ALPK2: variants seen among roughly 807,000 people sequenced by gnomAD.
ALPK2 encodes the protein alpha kinase 2, also known as alpha-protein kinase 2.
A neutral mutation model predicts 163.1 loss-of-function variants in ALPK2; 127 were observed. The ratio of observed to expected loss-of-function variants is 0.78; its 90% CI spans 0.67 to 0.90. The LOEUF (loss-of-function observed/expected upper bound fraction) is 0.90. Ranked by LOEUF, ALPK2 falls within the 40% of genes least tolerant of loss-of-function variation. ALPK2 has a pLI of 0.00. For missense variants in ALPK2, 2,360 were observed against 2,589.6 expected, an observed-to-expected ratio of 0.91 and a Z score of 1.92; for synonymous variants, 953 against 959.1, an observed-to-expected ratio of 0.99 and a Z score of 0.12.
In ALPK2 at chr18:58,536,232, G is replaced by A; in HGVS notation, c.3955C>T (p.Pro1319Ser). 1.2e-6 allele frequency: 2 copies of A among 1,614,188 alleles called. No individual in the cohort carries two copies. The highest frequency in any genetic ancestry group is 1.1e-5 in the South Asian group (1 of 91,074). Residue 1319 changes from proline (P) to serine (S), a missense_variant, in exon 5 of 13, where the codon CCC becomes TCC. Pro to Ser is a moderately conservative substitution (Grantham distance 74). Coordinates refer to ENST00000361673, the MANE Select transcript of ALPK2 (RefSeq NM_052947.4). ...CTTCTCCAATGTACACTGATGGTGG[G>A]CTCTTCGCCTTTATGGCTTTCTCTG... The part of the protein sequence containing the change: ...DSRESHKGEE[P>S]TISVHWRSLS...
chr18:58,515,621 C>T (rs2051517215), intron 9 of ALPK2, among the ~76,000 whole-genome samples: 1 of 151,998 alleles, frequency 6.6e-6, no homozygotes, highest in Non-Finnish European at 1.5e-5. Context: ...GGAGGGAATA[C>T]TGAGAGAGAA....
chr18:58,482,626 T>TC (rs1188971598), intron 12 of ALPK2, among the ~76,000 whole-genome samples: 1 of 152,134 alleles, frequency 6.6e-6, no homozygotes, highest in Non-Finnish European at 1.5e-5. Context: ...GCCCGCTTTG[T>TC]CCCCAGGAGA....
chr18:58,483,527 C>CTATTT (rs2051322181), intron 12 of ALPK2, among the ~76,000 whole-genome samples: 2 of 107,670 alleles, frequency 1.9e-5, no homozygotes, highest in Non-Finnish European at 3.7e-5. Flanking sequence ...AAGTCCTACT[C>CTATTT]ACTTTATTTA....
rs760148581 is a variant in ALPK2, at chr18:58,500,914, A to G, written c.6248-2817T>C. ...TCACAGGCTCATCTTTTACCCCACA[A>G]ACCTGCAGGACCTGGCATAATCTTC... is the stretch of plus-strand genomic sequence containing the variant. On this transcript the variant is annotated intron_variant, in intron 11 of 12. Coordinates refer to ENST00000361673, the MANE Select transcript of ALPK2 (RefSeq NM_052947.4). Among the ~76,000 whole-genome samples, 6 of 152,164 alleles carry G rather than the reference A, an allele frequency of 3.9e-5. No homozygotes were observed. The South Asian group carries it at 8.3e-4, about 21-fold the overall frequency.
chr18:58,488,346 C>T (rs1456561499), intron 12 of ALPK2, among the ~76,000 whole-genome samples: 2 of 150,138 alleles, frequency 1.3e-5, no homozygotes, highest in African/African-American at 2.5e-5. Context: ...TGCTTAAGAA[C>T]GATTCCTCTC....
chr18:58,537,932 G>T lies in ALPK2; in HGVS notation c.2255C>A (p.Ser752Tyr). The T allele has an allele frequency of 6.2e-7, 1 of 1,614,170 alleles. No individual in the cohort carries two copies. The highest frequency in any genetic ancestry group is 8.5e-7 in the Non-Finnish European group (1 of 1,180,030). The change falls in exon 5 of 13, where the codon TCC becomes TAC. Residue 752 changes from serine (S) to tyrosine (Y), a missense_variant. By Grantham distance (144) the Ser-to-Tyr change is moderately radical (BLOSUM62 -2). Transcript: ENST00000361673. ...GAGATGCCTTGAGAACACACCTGGGGACATAGTCTCATCATTGGCTTCTGA... is the reference window on the plus strand; with the variant it reads ...GAGATGCCTTGAGAACACACCTGGGTACATAGTCTCATCATTGGCTTCTGA... ...SISEANDETM[S>Y]PGVFSRHLPK... is the part of the protein sequence containing the mutation.
rs761456901 is a variant in ALPK2, at chr18:58,538,153, C to T, written c.2034G>A (p.Gly678=). 9 of 1,613,908 alleles carry T rather than the reference C, an allele frequency of 5.6e-6. No individual in the cohort carries two copies. The highest frequency in any genetic ancestry group is 7.6e-6 in the Non-Finnish European group (9 of 1,180,004). Residue 678 remains glycine (G), a synonymous_variant, in exon 5 of 13, where the codon GGG becomes GGA. Coordinates refer to ENST00000361673, the MANE Select transcript of ALPK2 (RefSeq NM_052947.4). ...TGGTCCCAGTGAATGGGGACTCCTCCCCAGCAGGCTCTGAGAAAGCTGGCA... is the reference window on the plus strand; with the variant it reads ...TGGTCCCAGTGAATGGGGACTCCTCTCCAGCAGGCTCTGAGAAAGCTGGCA... ...SQMPAFSEPA[G]EESPFTGTTT...
intron 5 of ALPK2, among the ~76,000 whole-genome samples, chr18:58,530,475 T>C (rs2144139781): frequency 6.6e-6 from 1 of 152,342 alleles, no homozygotes; most frequent in East Asian, 1.9e-4. Flanking sequence ...GTCAAACTCT[T>C]GGTCCAGGTC....
intron 8 of ALPK2, 66 bp downstream of exon 8, chr18:58,523,734 TTTCCTC>T (rs1379829752): frequency 1.6e-5 from 25 of 1,586,158 alleles, no homozygotes; most frequent in Non-Finnish European, 2.1e-5. Flanking sequence ...GCTTCTACTC[TTTCCTC>T]TGGGAGCTAT....
At chr18:58,574,438 C>CAAAA (rs34107333) in intron 4 of ALPK2, among the ~76,000 whole-genome samples, 6 of 49,410 alleles carry the variant, frequency 1.2e-4, no homozygotes, top group Admixed American at 2.4e-4. Flanking sequence ...GACTCCATCT[C>CAAAA]AAAAAAAAAA....
chr18:58,627,670 G>A (rs2052239258), intron 1 of ALPK2, among the ~76,000 whole-genome samples: 1 of 152,098 alleles, frequency 6.6e-6, no homozygotes, highest in South Asian at 2.1e-4. Flanking sequence ...AAAGGACAAT[G>A]TATATTTGGG....
intron 8 of ALPK2, 87 bp from the exon 9 acceptor site, chr18:58,517,269 G>T: frequency 7.0e-7 from 1 of 1,425,302 alleles, no homozygotes; most frequent in Non-Finnish European, 9.5e-7. Context: ...CCCCACATAA[G>T]GACAATGACA....
rs1602213575 is a variant in ALPK2 at position 58,550,851 on chromosome 18, AACATACAACCCCATCCCCACCTCCATC to A, written c.1963-12654_1963-12628del. Among the ~76,000 whole-genome samples, 86 of 41,474 alleles carry A rather than the reference AACATACAACCCCATCCCCACCTCCATC, an allele frequency of 2.1e-3. No homozygotes were observed. The East Asian group carries it at 0.045, about 22-fold the overall frequency. The allele number at this position is 41,474 out of a possible 152,430, so 27.2% of individuals were successfully genotyped here. The stretch of plus-strand genomic sequence containing the variant: ...TATACAACTCCATCCTCATCTCCAA[AACATACAACCCCATCCCCACCTCCATC>A]ACATACAACCCCATCCCCACCTCCA... On this transcript the variant is annotated intron_variant, in intron 4 of 12. Transcript: ENST00000361673.
chr18:58,492,930 G>A (rs2051382551), intron 12 of ALPK2, among the ~76,000 whole-genome samples: 2 of 152,162 alleles, frequency 1.3e-5, no homozygotes, highest in African/African-American at 4.8e-5. Context: ...GCTATAGTAG[G>A]GTCTGCCTTG....
At chr18:58,608,454 T>C (rs1194933762) in intron 2 of ALPK2, among the ~76,000 whole-genome samples, 1 of 152,226 alleles carries the variant, frequency 6.6e-6, no homozygotes, top group African/African-American at 2.4e-5. Flanking sequence ...GCAGGAAGGT[T>C]TCCATTGTGT....
intron 2 of ALPK2, among the ~76,000 whole-genome samples, chr18:58,609,345 C>A (rs996241049): frequency 5.9e-5 from 9 of 152,200 alleles, no homozygotes; most frequent in African/African-American, 2.2e-4. Context: ...CCCTGAAAAA[C>A]CATCAAGGGG....
chr18:58,565,313 T>C (rs2051845967), intron 4 of ALPK2, among the ~76,000 whole-genome samples: 2 of 152,312 alleles, frequency 1.3e-5, no homozygotes, highest in Middle Eastern at 3.4e-3. Flanking sequence ...CTTTTCAGTT[T>C]TAAGAGATTT....
intron 3 of ALPK2, among the ~76,000 whole-genome samples, chr18:58,602,155 T>G: frequency 6.6e-6 from 1 of 152,220 alleles, no homozygotes; most frequent in East Asian, 1.9e-4. Flanking sequence ...TTTTTGCCCC[T>G]TTGTCCCTAG....
intron 4 of ALPK2, among the ~76,000 whole-genome samples, chr18:58,575,605 A>T (rs2051916933): frequency 6.6e-6 from 1 of 152,164 alleles, no homozygotes; most frequent in South Asian, 2.1e-4. Flanking sequence ...CTGCCGAGAA[A>T]CTTAAGATGG....
Sources: allele counts gnomAD v4.1 joint callset (sites outside exome capture counted in the v4.1 genomes callset), GRCh38; gene constraint gnomAD v4.1.1; transcripts MANE v1.5; gene names NCBI Gene and HGNC (gene_info 2026-07-23, HGNC 2026-07-21).